Variants in GNA14 observed in about 807,000 individuals in gnomAD.
GNA14 encodes the protein guanine nucleotide-binding protein subunit alpha-14.
A neutral mutation model predicts 42.0 loss-of-function variants in GNA14; 50 were observed. The ratio of observed to expected loss-of-function variants is 1.19; its 90% CI spans 0.95 to 1.51. The LOEUF is 1.51. Ranked by LOEUF, GNA14 falls within the 40% of genes most tolerant of loss-of-function variation. The pLI is 0.00. For synonymous variants in GNA14, 173 were observed against 163.1 expected, an observed-to-expected ratio of 1.06 and a Z score of -0.46; for missense variants, 473 against 446.2, an observed-to-expected ratio of 1.06 and a Z score of -0.54.
At chr9:77,631,910 G>A (rs369649532) in intron 1 of GNA14, among the ~76,000 whole-genome samples, 56 of 152,218 alleles carry the variant, frequency 3.7e-4, no homozygotes, top group Middle Eastern at 3.4e-3. Flanking sequence ...CAGGATCCTC[G>A]CCCCTTCTGA....
chr9:77,599,676 G>C (rs55831612), intron 1 of GNA14, among the ~76,000 whole-genome samples: 96 of 152,290 alleles, frequency 6.3e-4, no homozygotes, highest in African/African-American at 2.3e-3. Context: ...GGAATGGCTT[G>C]GTCAAGTACA....
chr9:77,543,353 G>T (rs1274949185), intron 1 of GNA14, among the ~76,000 whole-genome samples: 1 of 152,206 alleles, frequency 6.6e-6, no homozygotes, highest in Non-Finnish European at 1.5e-5. Context: ...AGTGGGATTT[G>T]TCCTCAAGAT....
rs374149424 is a variant in GNA14, at chr9:77,591,984, A to G, written c.124+55686T>C. The stretch of plus-strand genomic sequence containing the variant: ...GGCTGGAGTGCAGTGGCGCGATCTC[A>G]GCTCACTGCAAGCTCCGCTTCCCGG... On this transcript the variant is annotated intron_variant, in intron 1 of 6. Transcript: ENST00000341700. Among the ~76,000 whole-genome samples, 4 of 147,776 alleles carry G rather than the reference A, an allele frequency of 2.7e-5. No homozygotes were observed. In the East Asian group the frequency reaches 6.0e-4, roughly 22 times the overall value.
intron 1 of GNA14, among the ~76,000 whole-genome samples, chr9:77,557,016 G>C (rs1273172786): frequency 6.6e-6 from 1 of 152,142 alleles, no homozygotes; most frequent in South Asian, 2.1e-4. Flanking sequence ...GGGTTACCAC[G>C]GTTAAGAAGA....
intron 1 of GNA14, among the ~76,000 whole-genome samples, chr9:77,565,779 C>T (rs7874722): frequency 0.12 from 18,265 of 152,116 alleles, 1,375 homozygotes; most frequent in African/African-American, 0.21. Context: ...TTAAATGCAA[C>T]GATTAGAAAA....
chr9:77,619,459 C>A (rs1242015442), intron 1 of GNA14, among the ~76,000 whole-genome samples: 1 of 152,102 alleles, frequency 6.6e-6, no homozygotes, highest in Non-Finnish European at 1.5e-5. Context: ...GCTCAGCCTC[C>A]CAAAGTGCTG....
At chr9:77,535,905 T>C (rs1347675911) in intron 1 of GNA14, among the ~76,000 whole-genome samples, 1 of 147,238 alleles carries the variant, frequency 6.8e-6, no homozygotes, top group Non-Finnish European at 1.5e-5. Flanking sequence ...TTTTTTTTTT[T>C]TCCAAGCAAG....
At chr9:77,536,999 T>C (rs1262386175) in intron 1 of GNA14, among the ~76,000 whole-genome samples, 1 of 152,212 alleles carries the variant, frequency 6.6e-6, no homozygotes, top group Non-Finnish European at 1.5e-5. Flanking sequence ...TACCTATGAA[T>C]ATCTGTTACA....
Position 77,425,548 on chromosome 9 carries a change from A to T in GNA14, c.877+14T>A. The T allele has an allele frequency of 6.3e-7, 1 of 1,587,094 alleles. No individual in the cohort carries two copies. The highest frequency in any genetic ancestry group is 8.6e-7 in the Non-Finnish European group (1 of 1,163,132). On this transcript the variant is annotated intron_variant, in intron 6 of 6. Coordinates refer to ENST00000341700, the MANE Select transcript of GNA14 (RefSeq NM_004297.4). ...ATCAGCACAGAAAACACTGTCCACA[A>T]GATAGACACTTACCTGTGTATTCTG... is the stretch of plus-strand genomic sequence containing the variant.
chr9:77,465,479 C>T (rs73654045), intron 2 of GNA14, among the ~76,000 whole-genome samples: 2,822 of 152,232 alleles, frequency 0.019, 58 homozygotes, highest in African/African-American at 0.05. Context: ...AGTTTTTGTG[C>T]GGCTGTGTGT....
chr9:77,546,708 A>G (rs1413191978), intron 1 of GNA14, among the ~76,000 whole-genome samples: 1 of 152,240 alleles, frequency 6.6e-6, no homozygotes, highest in Non-Finnish European at 1.5e-5. Flanking sequence ...AGCCAAAAAA[A>G]GTTCCTTAAA....
intron 2 of GNA14, among the ~76,000 whole-genome samples, chr9:77,495,999 G>T (rs921576333): frequency 6.6e-6 from 1 of 152,140 alleles, no homozygotes; most frequent in African/African-American, 2.4e-5. Context: ...AGACTTGCTT[G>T]TAAGGAATGG....
At chr9:77,480,426 T>C (rs1836522952) in intron 2 of GNA14, among the ~76,000 whole-genome samples, 1 of 152,200 alleles carries the variant, frequency 6.6e-6, no homozygotes, top group South Asian at 2.1e-4. Flanking sequence ...GGATAAGCTT[T>C]TTGATGTGCT....
At chr9:77,506,599 C>G (rs1184584418) in intron 2 of GNA14, among the ~76,000 whole-genome samples, 1 of 152,086 alleles carries the variant, frequency 6.6e-6, no homozygotes, top group South Asian at 2.1e-4. Context: ...ACTGCTTGAA[C>G]CCAGGAGGCG....
chr9:77,482,280 A>G (rs530473803), intron 2 of GNA14, among the ~76,000 whole-genome samples: 2 of 152,202 alleles, frequency 1.3e-5, no homozygotes, highest in Admixed American at 6.5e-5. Context: ...GCTTGTCTGT[A>G]AAGGATTTTA....
chr9:77,465,842 A>G (rs1236254003), intron 2 of GNA14, among the ~76,000 whole-genome samples: 1 of 152,164 alleles, frequency 6.6e-6, no homozygotes, highest in African/African-American at 2.4e-5. Flanking sequence ...CCTGGGCTCA[A>G]GCAGTCCTCC....
chr9:77,614,209 C>G (rs533573375), intron 1 of GNA14, among the ~76,000 whole-genome samples: 1 of 152,234 alleles, frequency 6.6e-6, no homozygotes, highest in South Asian at 2.1e-4. Context: ...CCAAAGGCCT[C>G]AAAGATGACT....
At chr9:77,535,897 T>A (rs1250651259) in intron 1 of GNA14, among the ~76,000 whole-genome samples, 1 of 145,538 alleles carries the variant, frequency 6.9e-6, no homozygotes, top group Non-Finnish European at 1.5e-5. Flanking sequence ...GTTTTGTTTT[T>A]TTTTTTTTTC....
At chr9:77,603,026 T>C (rs1823592836) in intron 1 of GNA14, among the ~76,000 whole-genome samples, 1 of 152,214 alleles carries the variant, frequency 6.6e-6, no homozygotes, top group South Asian at 2.1e-4. Flanking sequence ...TTCATTAAAG[T>C]AGGGCAAACA....
Sources: allele counts gnomAD v4.1 joint callset (sites outside exome capture counted in the v4.1 genomes callset), GRCh38; gene constraint gnomAD v4.1.1; transcripts MANE v1.5; gene names NCBI Gene and HGNC (gene_info 2026-07-23, HGNC 2026-07-21).